Variants in TRERF1 observed in about 807,000 individuals in gnomAD.
The protein encoded by TRERF1 is transcriptional-regulating factor 1.
In TRERF1, 27 loss-of-function variants were observed where a neutral mutation model predicts 122.9. The observed-to-expected ratio is 0.22, with a 90% CI of 0.16 to 0.30. The LOEUF (loss-of-function observed/expected upper bound fraction) is 0.30. TRERF1 is among the 10% of genes least tolerant of loss of function. The probability of loss-of-function intolerance (pLI) is 1.00; values close to 1 mark genes in which losing one functional copy is unlikely to be tolerated. For synonymous variants in TRERF1, 636 were observed against 641.7 expected, an observed-to-expected ratio of 0.99 and a Z score of 0.13; for missense variants, 1,248 against 1,560.3, an observed-to-expected ratio of 0.80 and a Z score of 3.37.
intron 17 of TRERF1, among the ~76,000 whole-genome samples, chr6:42,231,328 T>C (rs1770511715): frequency 6.6e-6 from 1 of 152,226 alleles, no homozygotes; most frequent in Non-Finnish European, 1.5e-5. Flanking sequence ...TTATTTTCTT[T>C]ATAAATTATC....
intron 2 of TRERF1, among the ~76,000 whole-genome samples, chr6:42,429,061 C>G (rs1234391664): frequency 1.3e-5 from 2 of 152,224 alleles, no homozygotes; most frequent in African/African-American, 4.8e-5. Context: ...CCAGCAGGCG[C>G]TGGGTGAATG....
chr6:42,259,280 ATG>A lies in TRERF1; in HGVS notation c.2269+57_2269+58del, dbSNP rs930713120. 4 of 1,460,270 alleles carry A rather than the reference ATG, an allele frequency of 2.7e-6. No individual in the cohort carries two copies. In the African/African-American group the frequency reaches 5.6e-5, roughly 21 times the overall value. 90.5% of individuals were successfully genotyped at this position (1,460,270 alleles called of 1,614,324 possible). A position where few individuals can be genotyped will look rare whatever the true frequency, so the allele number is the denominator to read the frequency against. ...AAATGAGAAAGCTAAAGAAAACGAG[ATG>A]TCCCAGGACTTTACCCAGCACCCAG... On this transcript the variant is annotated intron_variant, in intron 9 of 17. Transcript: ENST00000372922. This position sits in a 1 kb window ranked among gnomAD's most constrained non-coding sequence, Gnocchi z 4.9.
rs1027399111 is a variant in TRERF1 at position 42,259,423 on chromosome 6, T to C, written c.2185A>G (p.Ile729Val). Reference sequence around the variant, plus strand: ...TGGGCGCCAGGGCCGTGGCCGGAGATGAGGACATTGCTGAAGAGCCCCGAG... The same window carrying C: ...TGGGCGCCAGGGCCGTGGCCGGAGACGAGGACATTGCTGAAGAGCCCCGAG... Residue 729 changes from isoleucine (I) to valine (V), a missense_variant, in exon 9 of 18, where the codon ATC becomes GTC. By Grantham distance (29) the Ile-to-Val change is conservative (BLOSUM62 3). This residue lies in a region of TRERF1 where 946 missense variants were observed against 1,073.0 expected (regional missense o/e 0.88). Coordinates refer to ENST00000372922, the Ensembl canonical transcript of TRERF1. The surrounding 1 kb of genome is among the most constrained non-coding windows in gnomAD (Gnocchi z 4.9). The C allele has an allele frequency of 3.2e-6, 5 of 1,578,016 alleles. No homozygotes were observed. The highest frequency in any genetic ancestry group is 3.4e-6 in the Non-Finnish European group (4 of 1,168,436).
chr6:42,358,826 G>A (rs944720864), intron 3 of TRERF1, among the ~76,000 whole-genome samples: 3 of 144,994 alleles, frequency 2.1e-5, no homozygotes, highest in South Asian at 2.2e-4. Flanking sequence ...TCTGGGTCCA[G>A]GCAATCTTCA....
At chr6:42,277,394 G>GC (rs35021325) in intron 4 of TRERF1, among the ~76,000 whole-genome samples, 16,526 of 152,116 alleles carry the variant, frequency 0.11, 997 homozygotes, top group African/African-American at 0.15. Context: ...GCCCTTTTCT[G>GC]CTTCTCCTTG....
At chr6:42,405,827 TA>T (rs1282762621) in intron 2 of TRERF1, among the ~76,000 whole-genome samples, 44 of 136,204 alleles carry the variant, frequency 3.2e-4, no homozygotes, top group South Asian at 7.1e-4. Context: ...TTAAAAAAAA[TA>T]AAAAAAAAAT....
exon 10 of TRERF1, chr6:42,258,143 A>C: frequency 6.2e-7 from 1 of 1,614,116 alleles, no homozygotes; most frequent in Non-Finnish European, 8.5e-7. Context: ...ACGGTTCAAC[A>C]TCTACAGTCT....
rs926744241 is a variant in TRERF1, at chr6:42,386,131, G to C, written c.-453-23052C>G. 2.0e-5 allele frequency among the ~76,000 whole-genome samples: 3 copies of C among 152,298 alleles called. No homozygotes were observed. The East Asian group carries it at 5.8e-4, about 29-fold the overall frequency. On this transcript the variant is annotated intron_variant, in intron 2 of 17. Coordinates refer to ENST00000372922, the Ensembl canonical transcript of TRERF1. ...TGCACTTTGGGAGGCCGAGGTGGGCGAATCACCTGAGGTTGGGAGTTTGAG... is the reference window on the plus strand; with the variant it reads ...TGCACTTTGGGAGGCCGAGGTGGGCCAATCACCTGAGGTTGGGAGTTTGAG...
intron 2 of TRERF1, among the ~76,000 whole-genome samples, chr6:42,400,678 A>C (rs1338563781): frequency 2.6e-5 from 4 of 152,202 alleles, no homozygotes; most frequent in African/African-American, 9.7e-5. Context: ...CTCCCCACAA[A>C]GCTGGGGATG....
intron 2 of TRERF1, among the ~76,000 whole-genome samples, chr6:42,385,165 C>T (rs1776587685): frequency 2.6e-5 from 4 of 151,960 alleles, no homozygotes; most frequent in South Asian, 4.1e-4. Flanking sequence ...TTAGCAGAGG[C>T]GGGGTTTTGC....
rs748744797 is a variant in TRERF1, at chr6:42,268,760, T to C, written c.831A>G (p.Gln277=). The change falls in exon 5 of 18, where the codon CAA becomes CAG. Residue 277 remains glutamine, a synonymous_variant. Coordinates refer to ENST00000372922, the Ensembl canonical transcript of TRERF1. The surrounding 1 kb of genome is among the most constrained non-coding windows in gnomAD (Gnocchi z 4.4). ...GCATGGAGATACGCTGTTGCCCGGC[T>C]TGCTGCTGTTGCTGCGGTGGGTAAT... The C allele has an allele frequency of 5.0e-6, 8 of 1,614,218 alleles. No homozygotes were observed. The East Asian group carries it at 1.8e-4, about 36-fold the overall frequency.
chr6:42,231,733 C>T (rs550927488), intron 17 of TRERF1, among the ~76,000 whole-genome samples: 1 of 152,284 alleles, frequency 6.6e-6, no homozygotes, highest in South Asian at 2.1e-4. Context: ...GGGAATCACC[C>T]ATCTTACCAT....
intron 4 of TRERF1, among the ~76,000 whole-genome samples, chr6:42,277,888 G>GAAGGAAT (rs1266608823): frequency 3.0e-5 from 4 of 132,780 alleles, no homozygotes; most frequent in African/African-American, 6.2e-5. Flanking sequence ...GAAGAAGGAA[G>GAAGGAAT]AAGGAAGAAG....
intron 2 of TRERF1, among the ~76,000 whole-genome samples, chr6:42,404,707 G>A (rs756366688): frequency 5.3e-5 from 8 of 151,606 alleles, no homozygotes; most frequent in South Asian, 2.1e-4. Flanking sequence ...CCGTCTAACC[G>A]CTCTCTGTGC....
chr6:42,287,206 T>C (rs1324998394), intron 4 of TRERF1, among the ~76,000 whole-genome samples: 101 of 140,082 alleles, frequency 7.2e-4, no homozygotes, highest in Non-Finnish European at 7.5e-4. Flanking sequence ...GACGAGTTAG[T>C]GGGTGCAGCG....
intron 4 of TRERF1, among the ~76,000 whole-genome samples, chr6:42,300,156 C>T (rs1041046427): frequency 1.3e-5 from 2 of 152,172 alleles, no homozygotes; most frequent in Non-Finnish European, 2.9e-5. Context: ...GAGCAGAGAC[C>T]AGCAGACAGA....
chr6:42,275,274 G>A lies in TRERF1; in HGVS notation c.-258-5426C>T, dbSNP rs191866376. ...TCATTATGTGTAACAATTTCTACTG[G>A]GTAATTTGTACCAGGAGCTTTTTCA... On this transcript the variant is annotated intron_variant, in intron 4 of 17. Coordinates refer to ENST00000372922, the Ensembl canonical transcript of TRERF1. This position sits in a 1 kb window ranked among gnomAD's most constrained non-coding sequence, Gnocchi z 4.1. 2.0e-5 allele frequency among the ~76,000 whole-genome samples: 3 copies of A among 152,240 alleles called. No individual in the cohort carries two copies. The highest frequency in any genetic ancestry group is 4.4e-5 in the Non-Finnish European group (3 of 68,014).
intron 3 of TRERF1, among the ~76,000 whole-genome samples, chr6:42,337,823 C>T (rs550666296): frequency 3.7e-4 from 56 of 152,226 alleles, no homozygotes; most frequent in African/African-American, 1.3e-3. Flanking sequence ...AGGCTGATGC[C>T]CAGGCCCCAT....
intron 14 of TRERF1, among the ~76,000 whole-genome samples, chr6:42,245,722 C>A (rs867647589): frequency 1.2e-4 from 19 of 152,218 alleles, no homozygotes; most frequent in African/African-American, 3.4e-4. Flanking sequence ...GAGTTCAACA[C>A]CAGAAACTGT....
Sources: gnomAD v4.1 joint callset for allele counts (sites outside exome capture counted in the v4.1 genomes callset) on GRCh38, gnomAD v4.1.1 for gene constraint, gnomAD v4.1.1 regional missense constraint, Gnocchi (gnomAD v3.1) non-coding constraint, MANE v1.5 for transcripts, NCBI Gene and HGNC (gene_info 2026-07-23, HGNC 2026-07-21) for gene names.